CES5A: variants seen among roughly 807,000 people sequenced by gnomAD.
CES5A encodes carboxylesterase 5A, also known as carboxylesterase 5.
In CES5A, 67 loss-of-function variants were observed where a neutral mutation model predicts 62.9. The ratio of observed to expected loss-of-function variants is 1.07; its 90% CI spans 0.88 to 1.31. The LOEUF (loss-of-function observed/expected upper bound fraction) is 1.31, where lower values mean the gene tolerates loss of function less well. Among genes scored for constraint, CES5A ranks in the 50% most tolerant of loss-of-function variants. The probability of loss-of-function intolerance (pLI) is 0.00; values close to 1 mark genes in which losing one functional copy is unlikely to be tolerated. For missense variants in CES5A, 748 were observed against 708.5 expected, an observed-to-expected ratio of 1.06 and a Z score of -0.63; for synonymous variants, 296 against 280.8, an observed-to-expected ratio of 1.05 and a Z score of -0.54.
intron 2 of CES5A, among the ~76,000 whole-genome samples, chr16:55,933,489 T>C (rs1218984286): frequency 6.6e-6 from 1 of 151,682 alleles, no homozygotes; most frequent in Non-Finnish European, 1.5e-5. Flanking sequence ...CAAACTAAAC[T>C]ATTGCCCTTC....
intron 8 of CES5A, 91 bp from the exon 9 acceptor site, chr16:55,856,536 G>A: frequency 1.6e-6 from 2 of 1,225,584 alleles, no homozygotes; most frequent in South Asian, 1.2e-5. Context: ...CTTTCACAGG[G>A]GAAGTTGGAT....
At chr16:55,894,512 A>AAG (rs1555484118) in intron 1 of CES5A, among the ~76,000 whole-genome samples, 1 of 149,764 alleles carries the variant, frequency 6.7e-6, no homozygotes, top group Non-Finnish European at 1.5e-5. Context: ...AAAAAAAAAA[A>AAG]AAAGAAAAGA....
chr16:55,854,566 GTC>G (rs2033202247), intron 9 of CES5A, among the ~76,000 whole-genome samples: 1 of 10,118 alleles, frequency 9.9e-5, no homozygotes, highest in Admixed American at 1.3e-3. Context: ...TTGAGACAGA[GTC>G]TCTCGCTCTG....
intron 7 of CES5A, among the ~76,000 whole-genome samples, chr16:55,859,928 G>A (rs1468983855): frequency 6.6e-6 from 1 of 152,098 alleles, no homozygotes; most frequent in African/African-American, 2.4e-5. Context: ...TGCTAAATGG[G>A]AATAATAATA....
intron 5 of CES5A, among the ~76,000 whole-genome samples, chr16:55,864,632 C>A (rs186966316): frequency 6.6e-6 from 1 of 152,204 alleles, no homozygotes; most frequent in Non-Finnish European, 1.5e-5. Flanking sequence ...TAGTGGCTCA[C>A]GCCTGTAATC....
intron 1 of CES5A, among the ~76,000 whole-genome samples, chr16:55,874,516 C>T (rs1211650055): frequency 1.3e-5 from 2 of 151,902 alleles, no homozygotes; most frequent in East Asian, 3.8e-4. Flanking sequence ...CAATAAACTC[C>T]TTTTAAAATT....
At chr16:55,891,549 C>A (rs114046703) in intron 1 of CES5A, among the ~76,000 whole-genome samples, 3 of 152,156 alleles carry the variant, frequency 2.0e-5, no homozygotes, top group African/African-American at 7.2e-5. Context: ...CAGGACAACT[C>A]AAAGTGGGGA....
intron 1 of CES5A, among the ~76,000 whole-genome samples, chr16:55,893,846 A>ATCAAAC (rs1290830881): frequency 6.6e-6 from 1 of 152,168 alleles, no homozygotes; most frequent in Non-Finnish European, 1.5e-5. Flanking sequence ...GATAAAAGAC[A>ATCAAAC]TCAAACTGCA....
In CES5A at chr16:55,846,677, G is replaced by T. The variant is rs1453022851; in HGVS notation, c.1502C>A (p.Pro501His). The T allele has an allele frequency of 6.2e-7, 1 of 1,613,882 alleles. No individual in the cohort carries two copies. Among genetic ancestry groups the T allele is most frequent in the Non-Finnish European group, 8.5e-7 (1 of 1,179,834 alleles). Residue 501 changes from proline to histidine, a missense_variant, in exon 13 of 13, where the codon CCT (proline) becomes CAT (histidine). Coordinates refer to ENST00000290567, the MANE Select transcript of CES5A (RefSeq NM_001143685.2). ...CCACAGAGACAGGTCGTTCCCATTA[G>T]GATTCCTAGAAGGGAGAGCAGAAAC... ...YWATFARTGN[P>H]NGNDLSLWPA... is the part of the protein sequence containing the mutation.
intron 1 of CES5A, among the ~76,000 whole-genome samples, chr16:55,904,981 T>C (rs1428969614): frequency 6.6e-6 from 1 of 152,206 alleles, no homozygotes; most frequent in African/African-American, 2.4e-5. Context: ...ATCAGGATAT[T>C]TTTATTAAAT....
At chr16:55,857,998 C>T (rs1252540083) in intron 8 of CES5A, among the ~76,000 whole-genome samples, 1 of 152,152 alleles carries the variant, frequency 6.6e-6, no homozygotes, top group Non-Finnish European at 1.5e-5. Flanking sequence ...AGTTGGAAAC[C>T]AGCCTGGCCA....
In CES5A at chr16:55,874,046, A is replaced by G. The variant is rs1214768543; in HGVS notation, c.74-9T>C. On this transcript the variant is annotated splice_polypyrimidine_tract_variant and intron_variant, in intron 1 of 12. Coordinates refer to ENST00000290567, the MANE Select transcript of CES5A (RefSeq NM_001143685.2). ...CCCTTCAGCAGAAGGCCCTGCGGGA[A>G]CACATGGGAGGAATCAGGAGCAGGC... 6.3e-7 allele frequency: 1 copy of G among 1,593,434 alleles called. No individual in the cohort carries two copies. Among genetic ancestry groups the G allele is most frequent in the Non-Finnish European group, 8.5e-7 (1 of 1,170,758 alleles).
At chr16:55,944,020 G>C in intron 2 of CES5A, 1 of 701,980 alleles carries the variant, frequency 1.4e-6, no homozygotes. Context: ...GGGAAAAATC[G>C]CAAGTCATTG....
chr16:55,884,309 C>T (rs563875267), intron 1 of CES5A, among the ~76,000 whole-genome samples: 1 of 152,306 alleles, frequency 6.6e-6, no homozygotes, highest in African/African-American at 2.4e-5. Flanking sequence ...GCACCTCTGT[C>T]GACAGTCTGT....
upstream of CES5A, among the ~76,000 whole-genome samples, chr16:55,876,044 T>A (rs1337526069): frequency 6.6e-6 from 1 of 152,186 alleles, no homozygotes; most frequent in East Asian, 1.9e-4. Context: ...TCTCCTGAAC[T>A]TTTTAGTGCT....
chr16:55,884,128 G>A (rs1316015650), intron 1 of CES5A, among the ~76,000 whole-genome samples: 1 of 152,212 alleles, frequency 6.6e-6, no homozygotes, highest in Non-Finnish European at 1.5e-5. Flanking sequence ...ATTGTGCGAA[G>A]TCCTTCTTTC....
At chr16:55,891,134 C>T (rs1379964167) in intron 1 of CES5A, among the ~76,000 whole-genome samples, 5 of 152,114 alleles carry the variant, frequency 3.3e-5, no homozygotes, top group Admixed American at 3.3e-4. Flanking sequence ...AAACCACTCA[C>T]CTCGTCACTC....
chr16:55,896,109 C>T (rs529802938), intron 1 of CES5A, among the ~76,000 whole-genome samples: 9 of 152,288 alleles, frequency 5.9e-5, no homozygotes, highest in African/African-American at 1.9e-4. Context: ...CTTAGGAGGC[C>T]TCACAATCAT....
chr16:55,871,033 G>A (rs185898898), intron 3 of CES5A, among the ~76,000 whole-genome samples: 31 of 152,222 alleles, frequency 2.0e-4, no homozygotes, highest in Admixed American at 1.8e-3. Flanking sequence ...GGTTAGCATG[G>A]GAGTTAAATC....
Sources: allele counts gnomAD v4.1 joint callset (sites outside exome capture counted in the v4.1 genomes callset), GRCh38; gene constraint gnomAD v4.1.1; transcripts MANE v1.5; gene names NCBI Gene and HGNC (gene_info 2026-07-23, HGNC 2026-07-21).